The following AGBL4 variants were observed in gnomAD, a reference collection of about 807,000 sequenced individuals.
AGBL4 encodes the protein AGBL carboxypeptidase 4.
In AGBL4, 58 loss-of-function variants were observed where a neutral mutation model predicts 66.4. The observed-to-expected ratio is 0.87, with a 90% CI of 0.71 to 1.09. AGBL4 has a LOEUF of 1.09. AGBL4 is among the 50% of genes least tolerant of loss of function. The pLI, the probability that AGBL4 is intolerant of heterozygous loss-of-function variation, is 0.00. For missense variants in AGBL4, 579 were observed against 631.0 expected (o/e 0.92, Z 0.88); for synonymous variants, 234 against 222.9 (o/e 1.05, Z -0.44).
intron 3 of AGBL4, among the ~76,000 whole-genome samples, chr1:49,247,122 C>T (rs1226949170): frequency 6.6e-6 from 1 of 151,990 alleles, no homozygotes; most frequent in Non-Finnish European, 1.5e-5. Context: ...GATAAGATGT[C>T]CATGATTTTT....
chr1:49,699,786 C>T (rs1647052100), intron 2 of AGBL4, among the ~76,000 whole-genome samples: 1 of 151,736 alleles, frequency 6.6e-6, no homozygotes, highest in African/African-American at 2.4e-5. Flanking sequence ...TAGAAAATCA[C>T]AGTTATGTAT....
intron 11 of AGBL4, among the ~76,000 whole-genome samples, chr1:48,546,845 C>T (rs1644168478): frequency 8.3e-6 from 1 of 119,966 alleles, no homozygotes; most frequent in South Asian, 2.7e-4. Context: ...AGACAAATAG[C>T]GAGGTAGTAA....
chr1:48,591,552 A>C (rs1330641551), intron 9 of AGBL4, among the ~76,000 whole-genome samples: 1 of 152,230 alleles, frequency 6.6e-6, no homozygotes, highest in Non-Finnish European at 1.5e-5. Context: ...TATATCGGGA[A>C]TCAAACACAG....
intron 2 of AGBL4, among the ~76,000 whole-genome samples, chr1:49,791,147 T>G (rs1644588780): frequency 6.6e-6 from 1 of 152,112 alleles, no homozygotes; most frequent in Non-Finnish European, 1.5e-5. Context: ...GATATAATAT[T>G]GGCTCTAGAC....
At chr1:48,781,283 C>T (rs1411276776) in intron 6 of AGBL4, among the ~76,000 whole-genome samples, 4 of 152,290 alleles carry the variant, frequency 2.6e-5, no homozygotes, top group African/African-American at 7.2e-5. Context: ...ATGACTGGCA[C>T]GGGATGCTTA....
chr1:49,717,944 C>A (rs138490845), intron 2 of AGBL4, among the ~76,000 whole-genome samples: 1 of 152,050 alleles, frequency 6.6e-6, no homozygotes, highest in African/African-American at 2.4e-5. Context: ...TATCATGAAG[C>A]TAACGATCAA....
intron 5 of AGBL4, among the ~76,000 whole-genome samples, chr1:48,974,831 C>A (rs1659187198): frequency 6.6e-6 from 1 of 152,140 alleles, no homozygotes; most frequent in South Asian, 2.1e-4. Context: ...AAATACTTTT[C>A]TCTTTATCAG....
chr1:49,353,959 C>T (rs1350161498), intron 3 of AGBL4, among the ~76,000 whole-genome samples: 1 of 152,138 alleles, frequency 6.6e-6, no homozygotes, highest in African/African-American at 2.4e-5. Context: ...ATTCATAATT[C>T]TTCAAGTCTG....
intron 5 of AGBL4, among the ~76,000 whole-genome samples, chr1:48,873,883 C>T (rs1391395196): frequency 1.3e-5 from 2 of 152,138 alleles, no homozygotes; most frequent in South Asian, 2.1e-4. Flanking sequence ...GTTTTGGTCA[C>T]GACTGCATTG....
intron 3 of AGBL4, among the ~76,000 whole-genome samples, chr1:49,582,294 G>C (rs1447233015): frequency 6.6e-6 from 1 of 152,124 alleles, no homozygotes; most frequent in Admixed American, 6.5e-5. Context: ...TTGGGGGAGG[G>C]GTAACAGCCC....
At chr1:48,715,988 C>G (rs1042766317) in intron 6 of AGBL4, among the ~76,000 whole-genome samples, 1 of 152,104 alleles carries the variant, frequency 6.6e-6, no homozygotes, top group Non-Finnish European at 1.5e-5. Context: ...AGCAAGCCAA[C>G]GGGATAACAG....
intron 3 of AGBL4, among the ~76,000 whole-genome samples, chr1:49,282,286 G>T (rs914484526): frequency 6.6e-6 from 1 of 152,154 alleles, no homozygotes; most frequent in Non-Finnish European, 1.5e-5. Flanking sequence ...TTGCTCTAAA[G>T]TCCATGCTTT....
chr1:49,506,302 G>A (rs749427945), intron 3 of AGBL4, among the ~76,000 whole-genome samples: 1 of 151,990 alleles, frequency 6.6e-6, no homozygotes, highest in East Asian at 1.9e-4. Context: ...TTAGAAAAAT[G>A]TAACATATAA....
intron 3 of AGBL4, among the ~76,000 whole-genome samples, chr1:49,562,510 T>C (rs1020008467): frequency 3.8e-4 from 58 of 152,170 alleles, no homozygotes; most frequent in Non-Finnish European, 3.1e-4. Flanking sequence ...GGGATCCAGT[T>C]TCAGCTTTCT....
At chr1:49,290,256 T>C (rs967412136) in intron 3 of AGBL4, among the ~76,000 whole-genome samples, 1 of 152,222 alleles carries the variant, frequency 6.6e-6, no homozygotes, top group Non-Finnish European at 1.5e-5. Flanking sequence ...CACTGATGTC[T>C]GAGATCAGCT....
At chr1:49,564,419 T>G (rs1474826288) in intron 3 of AGBL4, among the ~76,000 whole-genome samples, 4 of 152,234 alleles carry the variant, frequency 2.6e-5, no homozygotes, top group African/African-American at 9.6e-5. Flanking sequence ...TTTTAGATCT[T>G]TCCTGCTTTC....
Position 49,062,998 on chromosome 1 carries a change from G to T in AGBL4, c.378-17198C>A, listed in dbSNP as rs187382138. The stretch of plus-strand genomic sequence containing the variant: ...ATTTCACAACTTCCTACTTTTTAGG[G>T]TTATTATGTTAATTAAAATAATAAC... On this transcript the variant is annotated intron_variant, in intron 4 of 13. Coordinates refer to ENST00000371839, the MANE Select transcript of AGBL4 (RefSeq NM_032785.4). Among the ~76,000 whole-genome samples, 523 of 152,138 alleles carry T rather than the reference G, an allele frequency of 3.4e-3. 4 individuals are homozygous for T. The highest frequency in any genetic ancestry group is 0.011 in the African/African-American group (468 of 41,486).
intron 3 of AGBL4, among the ~76,000 whole-genome samples, chr1:49,349,980 AAGATTTCTAGCCTCC>A (rs1345480394): frequency 3.3e-5 from 5 of 152,172 alleles, no homozygotes; most frequent in Non-Finnish European, 7.3e-5. Context: ...CATTGGTCTC[AAGATTTCTAGCCTCC>A]AGAATGGTGA....
At chr1:49,529,359 A>G (rs536724809) in intron 3 of AGBL4, among the ~76,000 whole-genome samples, 2 of 152,160 alleles carry the variant, frequency 1.3e-5, no homozygotes, top group Non-Finnish European at 2.9e-5. Flanking sequence ...AATGAAATGT[A>G]GAACAAAGGA....
Sources: allele counts gnomAD v4.1 joint callset (sites outside exome capture counted in the v4.1 genomes callset), GRCh38; gene constraint gnomAD v4.1.1; transcripts MANE v1.5; gene names NCBI Gene and HGNC (gene_info 2026-07-23, HGNC 2026-07-21).